ITIH5: variants seen among roughly 807,000 people sequenced by gnomAD.
The protein encoded by ITIH5 is inter-alpha-trypsin inhibitor heavy chain H5.
Under a neutral mutation model 77.5 loss-of-function variants are expected in ITIH5, and 65 were observed. The observed-to-expected ratio is 0.84, with a 90% CI of 0.69 to 1.03. The LOEUF (loss-of-function observed/expected upper bound fraction) is 1.03, where lower values mean the gene tolerates loss of function less well. ITIH5 is among the 50% of genes least tolerant of loss of function. ITIH5 has a pLI of 0.00. For missense variants in ITIH5, 1,208 were observed against 1,213.1 expected (o/e 1.00, Z 0.06); for synonymous variants, 525 against 494.3 (o/e 1.06, Z -0.82).
At chr10:7,629,287 C>CGTGTGCCCA (rs1833665255) in intron 5 of ITIH5, among the ~76,000 whole-genome samples, 1 of 52,538 alleles carries the variant, frequency 1.9e-5, no homozygotes, top group Admixed American at 1.8e-4. Flanking sequence ...GCGTGTGTCC[C>CGTGTGCCCA]TGTTGTAGCG....
chr10:7,648,174 G>A (rs1271442919), intron 2 of ITIH5, among the ~76,000 whole-genome samples: 1 of 151,642 alleles, frequency 6.6e-6, no homozygotes, highest in Non-Finnish European at 1.5e-5. Flanking sequence ...AACCTGGGAA[G>A]CAGAGCTTCC....
chr10:7,609,238 C>T (rs888762283), intron 7 of ITIH5, among the ~76,000 whole-genome samples: 1 of 152,176 alleles, frequency 6.6e-6, no homozygotes, highest in Non-Finnish European at 1.5e-5. Context: ...GCACTTGATA[C>T]GCACTGATCA....
rs373462142 is a variant in ITIH5, at chr10:7,577,060, C to G, written c.1419-48G>C. ...GAGGGAGATCAGGGCCCTGCTCTGA[C>G]AGCAGGCAGGACAGTCCTAAAGGAA... On this transcript the variant is annotated intron_variant, in intron 9 of 13. Transcript: ENST00000397146. The G allele has an allele frequency of 2.8e-5, 42 of 1,514,508 alleles. No homozygotes were observed. In the East Asian group the frequency reaches 7.7e-4, roughly 28 times the overall value. The allele number at this position is 1,514,508 out of a possible 1,614,324, so 93.8% of individuals were successfully genotyped here.
chr10:7,655,540 T>G, intron 2 of ITIH5, 91 bp downstream of exon 2: 1 of 1,019,218 alleles, frequency 9.8e-7, no homozygotes, highest in South Asian at 1.3e-5. Context: ...TTATATGTTT[T>G]GGAGGATCTG....
chr10:7,659,723 G>A (rs777658329), intron 1 of ITIH5, among the ~76,000 whole-genome samples: 6 of 152,182 alleles, frequency 3.9e-5, no homozygotes, highest in Non-Finnish European at 7.4e-5. Flanking sequence ...TTTTTGAGAT[G>A]CCTATCTGAT....
chr10:7,563,265 C>T lies in ITIH5; in HGVS notation c.2647G>A (p.Gly883Ser). 1.2e-6 allele frequency: 2 copies of T among 1,614,214 alleles called. No homozygotes were observed. The highest frequency in any genetic ancestry group is 2.2e-5 in the East Asian group (1 of 44,884). Reference protein sequence around the residue: ...EGPEAVLTVKGHQVPVVWKQR... With the variant: ...EGPEAVLTVKSHQVPVVWKQR... ...TTCCAGACCACTGGGACTTGGTGGC[C>T]TTTCACTGTTAGGACGGCCTCAGGC... The change falls in exon 14 of 14, where the codon GGC becomes AGC. Residue 883 changes from glycine (G) to serine (S), a missense_variant. Gly to Ser is a moderately conservative substitution (Grantham distance 56, BLOSUM62 0). Coordinates refer to ENST00000397146, the MANE Select transcript of ITIH5 (RefSeq NM_030569.7).
intron 7 of ITIH5, among the ~76,000 whole-genome samples, chr10:7,604,746 A>T (rs745583910): frequency 3.3e-5 from 5 of 152,126 alleles, no homozygotes; most frequent in Non-Finnish European, 7.3e-5. Flanking sequence ...TCCATCATTA[A>T]TCTTTCCCTA....
At chr10:7,665,303 C>G (rs1834343817) in intron 1 of ITIH5, among the ~76,000 whole-genome samples, 1 of 152,182 alleles carries the variant, frequency 6.6e-6, no homozygotes, top group Non-Finnish European at 1.5e-5. Flanking sequence ...CCACACTGTC[C>G]TGTCTCCACA....
At chr10:7,579,528 G>C (rs964315806) in intron 9 of ITIH5, among the ~76,000 whole-genome samples, 1 of 138,854 alleles carries the variant, frequency 7.2e-6, no homozygotes, top group African/African-American at 2.6e-5. Context: ...TCCATCACAA[G>C]AAAAAAAAAA....
intron 5 of ITIH5, among the ~76,000 whole-genome samples, chr10:7,625,691 G>T (rs969115024): frequency 2.6e-5 from 4 of 151,844 alleles, no homozygotes; most frequent in Non-Finnish European, 5.9e-5. Context: ...CTTGAACCCA[G>T]GAGGCAGAGA....
chr10:7,604,791 ACTAT>A (rs1833088492), intron 7 of ITIH5, among the ~76,000 whole-genome samples: 1 of 151,410 alleles, frequency 6.6e-6, no homozygotes, highest in Non-Finnish European at 1.5e-5. Flanking sequence ...AATCCTTTCC[ACTAT>A]CTATGTTAGT....
chr10:7,591,075 T>C (rs1046840725), intron 7 of ITIH5, among the ~76,000 whole-genome samples: 10 of 152,168 alleles, frequency 6.6e-5, no homozygotes, highest in African/African-American at 2.4e-4. Context: ...TTTTTCTATT[T>C]TAGTAGAGAC....
chr10:7,644,288 TCATATATATCATACATATCA>T (rs1199841564), intron 2 of ITIH5, among the ~76,000 whole-genome samples: 7 of 147,940 alleles, frequency 4.7e-5, no homozygotes, highest in South Asian at 4.2e-4. Context: ...TGTATATATA[TCATATATATCATACATATCA>T]CATATATATC....
intron 2 of ITIH5, among the ~76,000 whole-genome samples, chr10:7,643,184 C>G (rs1178943645): frequency 6.6e-6 from 1 of 152,174 alleles, no homozygotes; most frequent in East Asian, 1.9e-4. Context: ...CAAGCCAGGA[C>G]AAGAGCCCTC....
At chr10:7,638,751 A>G (rs901311096) in intron 4 of ITIH5, among the ~76,000 whole-genome samples, 2 of 152,218 alleles carry the variant, frequency 1.3e-5, no homozygotes, top group African/African-American at 4.8e-5. Flanking sequence ...AAAGTTTTGC[A>G]TCAAGGCTGA....
chr10:7,584,599 C>T (rs1351872701), intron 8 of ITIH5, among the ~76,000 whole-genome samples: 2 of 152,154 alleles, frequency 1.3e-5, no homozygotes, highest in African/African-American at 4.8e-5. Context: ...GCCACCCCAC[C>T]CGGCCCAGCC....
Position 7,566,908 on chromosome 10 carries a change from GAAGAAGAAGAAGAA to G in ITIH5, c.2150-515_2150-502del, listed in dbSNP as rs1157883192. ...AGAAGAAGAAGAAGAAGAAGAAGAA[GAAGAAGAAGAAGAA>G]AAGAAAAGAAAATCTATCCCTGCCC... On this transcript the variant is annotated intron_variant, in intron 12 of 13. Coordinates refer to ENST00000397146, the MANE Select transcript of ITIH5 (RefSeq NM_030569.7). Among the ~76,000 whole-genome samples the G allele has an allele frequency of 8.7e-4, 88 of 100,682 alleles. 16 individuals are homozygous for G. The highest frequency in any genetic ancestry group is 2.9e-3 in the African/African-American group (72 of 25,180). 66.1% of individuals were successfully genotyped at this position (100,682 alleles called of 152,430 possible). A position where few individuals can be genotyped will look rare whatever the true frequency, so the allele number is the denominator to read the frequency against.
In ITIH5 at chr10:7,566,372, C is replaced by T. The variant is rs763259102; in HGVS notation, c.2185G>A (p.Ala729Thr). The change falls in exon 13 of 14, where the codon GCC (alanine) becomes ACC (threonine). Residue 729 changes from alanine (A) to threonine (T), a missense_variant. Coordinates refer to ENST00000397146, the MANE Select transcript of ITIH5 (RefSeq NM_030569.7). ...TVNGELIGAP[A>T]PPNGHKKQRT... ...TGTTTCTTGTGGCCATTTGGAGGGG[C>T]GGGTGCCCCAATTAACTCTCCGTTC... The T allele has an allele frequency of 1.9e-5, 31 of 1,600,316 alleles. No homozygotes were observed. Among genetic ancestry groups the T allele is most frequent in the African/African-American group, 4.0e-5 (3 of 74,568 alleles).
intron 2 of ITIH5, among the ~76,000 whole-genome samples, chr10:7,648,508 T>C (rs186417375): frequency 1.3e-5 from 2 of 152,372 alleles, no homozygotes; most frequent in East Asian, 1.9e-4. Flanking sequence ...CAATTTATCA[T>C]GTAATTCTTT....
Sources: allele counts gnomAD v4.1 joint callset (sites outside exome capture counted in the v4.1 genomes callset), GRCh38; gene constraint gnomAD v4.1.1; transcripts MANE v1.5; gene names NCBI Gene and HGNC (gene_info 2026-07-23, HGNC 2026-07-21).